The following UIMC1 variants were observed in gnomAD, a reference collection of about 807,000 sequenced individuals.
UIMC1 encodes the protein BRCA1-A complex subunit RAP80.
A neutral mutation model predicts 84.9 loss-of-function variants in UIMC1; 42 were observed. The observed-to-expected ratio is 0.49, with a 90% CI of 0.39 to 0.64. The LOEUF is 0.64. UIMC1 is among the 30% of genes least tolerant of loss of function. The pLI is 0.00. For synonymous variants in UIMC1, 281 were observed against 293.0 expected (o/e 0.96, Z 0.42); for missense variants, 825 against 847.6 (o/e 0.97, Z 0.33).
At chr5:176,922,263 G>A (rs1405878693) in intron 10 of UIMC1, among the ~76,000 whole-genome samples, 3 of 152,176 alleles carry the variant, frequency 2.0e-5, no homozygotes, top group Non-Finnish European at 2.9e-5. Context: ...CAGTATCTGC[G>A]TTATAGTTGC....
intron 1 of UIMC1, among the ~76,000 whole-genome samples, chr5:177,011,821 G>A (rs1228155077): frequency 1.3e-5 from 2 of 149,638 alleles, no homozygotes; most frequent in Admixed American, 6.7e-5. Flanking sequence ...TTTTTTTTGA[G>A]ACGGAATCTC....
At chr5:176,965,773 C>T (rs768190733) in intron 6 of UIMC1, among the ~76,000 whole-genome samples, 6 of 152,210 alleles carry the variant, frequency 3.9e-5, no homozygotes, top group Non-Finnish European at 7.3e-5. Context: ...ATTTTGACTT[C>T]TTCCAGGCTA....
chr5:176,998,360 T>C (rs1355890983), intron 1 of UIMC1, among the ~76,000 whole-genome samples: 1 of 146,070 alleles, frequency 6.8e-6, no homozygotes, highest in Admixed American at 7.1e-5. Context: ...GGTACTCGAG[T>C]GGCTCAGGCA....
intron 5 of UIMC1, 55 bp downstream of exon 5, chr5:176,969,546 C>T (rs1042722959): frequency 3.2e-5 from 49 of 1,550,280 alleles, no homozygotes; most frequent in Admixed American, 1.7e-5. Context: ...AGCATGAGAT[C>T]CCTGTGGTAC....
upstream of UIMC1, among the ~76,000 whole-genome samples, chr5:177,007,029 A>G (rs965581772): frequency 6.6e-6 from 1 of 152,202 alleles, no homozygotes; most frequent in Non-Finnish European, 1.5e-5. Context: ...TTTATGACCC[A>G]GCAATTTCAC....
intron 9 of UIMC1, among the ~76,000 whole-genome samples, chr5:176,944,572 T>TA (rs1764850006): frequency 6.6e-6 from 1 of 152,214 alleles, no homozygotes; most frequent in Admixed American, 6.5e-5. Context: ...GGGCTGTCAT[T>TA]ACACCTTACT....
chr5:176,989,558 G>C (rs1039141956), intron 1 of UIMC1, among the ~76,000 whole-genome samples: 3 of 151,886 alleles, frequency 2.0e-5, no homozygotes, highest in Admixed American at 6.6e-5. Flanking sequence ...TACTGGAGAG[G>C]CTGGGGCAGG....
intron 1 of UIMC1, chr5:177,002,127 AAAAAC>A (rs1561926464): frequency 6.7e-6 from 1 of 149,924 alleles, no homozygotes; most frequent in Non-Finnish European, 1.5e-5. Flanking sequence ...TCAAAAAAAA[AAAAAC>A]AAAAAAAAAA....
intron 1 of UIMC1, among the ~76,000 whole-genome samples, chr5:177,015,558 T>C (rs1775652059): frequency 6.6e-6 from 1 of 152,190 alleles, no homozygotes. Context: ...AGCAACCTTA[T>C]CTGTTTACTC....
chr5:176,976,091 T>G (rs1267539731), intron 2 of UIMC1, among the ~76,000 whole-genome samples: 2 of 151,988 alleles, frequency 1.3e-5, no homozygotes, highest in Non-Finnish European at 2.9e-5. Context: ...TTGAGGCCAG[T>G]TCAAAACCAG....
chr5:176,930,361 G>C (rs375269659), intron 10 of UIMC1, among the ~76,000 whole-genome samples: 2 of 152,278 alleles, frequency 1.3e-5, no homozygotes, highest in South Asian at 4.1e-4. Context: ...GAACATTCAT[G>C]GAAGATTCTA....
At chr5:176,952,923 G>GAA (rs1411892818) in intron 8 of UIMC1, among the ~76,000 whole-genome samples, 8 of 152,276 alleles carry the variant, frequency 5.3e-5, no homozygotes, top group African/African-American at 1.9e-4. Context: ...ATTACAGACT[G>GAA]AATGTTTGTG....
intron 11 of UIMC1, among the ~76,000 whole-genome samples, chr5:176,909,608 G>GT (rs1759850973): frequency 6.6e-6 from 1 of 152,138 alleles, no homozygotes; most frequent in East Asian, 1.9e-4. Context: ...TTATTATTCA[G>GT]TAACTACAGC....
In UIMC1 at chr5:176,930,956, T is replaced by C. The variant is rs138041436; in HGVS notation, c.1597+12379A>G. ...GAGGTAAAAGACTATAGCATTCTGC[T>C]TTCCTGAAACCGACTGAGGCTTCCA... is the stretch of plus-strand genomic sequence containing the variant. On this transcript the variant is annotated intron_variant, in intron 10 of 14. Coordinates refer to ENST00000511320, the MANE Select transcript of UIMC1 (RefSeq NM_001199298.2). 9.1e-3 allele frequency among the ~76,000 whole-genome samples: 1,383 copies of C among 152,338 alleles called. 7 individuals carry two copies. Among genetic ancestry groups the C allele is most frequent in the South Asian group, 0.025 (120 of 4,830 alleles).
At chr5:176,917,588 AAAAC>A (rs1181922169) in intron 10 of UIMC1, among the ~76,000 whole-genome samples, 1 of 152,174 alleles carries the variant, frequency 6.6e-6, no homozygotes, top group Non-Finnish European at 1.5e-5. Flanking sequence ...AACAAAAACA[AAAAC>A]AAAAAAACAA....
At chr5:176,959,065 A>G (rs1766972959) in intron 6 of UIMC1, among the ~76,000 whole-genome samples, 1 of 152,268 alleles carries the variant, frequency 6.6e-6, no homozygotes, top group South Asian at 2.1e-4. Context: ...GATGAAATAC[A>G]TTTAAAAATC....
At chr5:176,911,694 CAAGG>C (rs1320340662) in intron 10 of UIMC1, among the ~76,000 whole-genome samples, 1 of 152,174 alleles carries the variant, frequency 6.6e-6, no homozygotes, top group Non-Finnish European at 1.5e-5. Flanking sequence ...TTGCAGCACT[CAAGG>C]GAGGGATTTA....
rs565794045 is a variant in UIMC1, at chr5:176,966,017, T to C, written c.1200+2538A>G. On this transcript the variant is annotated intron_variant, in intron 6 of 14. Transcript: ENST00000511320. ...AACTTTCCTTTGGAAAAGAAACCAG[T>C]CACTAAAATAACTATTTCTTAAAAA... Among the ~76,000 whole-genome samples, 46 of 152,308 alleles carry C rather than the reference T, an allele frequency of 3.0e-4. 1 individual carries two copies. The South Asian group carries it at 8.5e-3, about 28-fold the overall frequency.
At chr5:176,917,773 A>G (rs540417958) in intron 10 of UIMC1, among the ~76,000 whole-genome samples, 3 of 152,366 alleles carry the variant, frequency 2.0e-5, no homozygotes, top group African/African-American at 7.2e-5. Flanking sequence ...CAGCCTGACC[A>G]ATATGGTGAA....
Sources: gnomAD v4.1 joint callset for allele counts (sites outside exome capture counted in the v4.1 genomes callset) on GRCh38, gnomAD v4.1.1 for gene constraint, MANE v1.5 for transcripts, NCBI Gene and HGNC (gene_info 2026-07-23, HGNC 2026-07-21) for gene names.